Variants in METTL16 observed in about 807,000 individuals in gnomAD.
METTL16 encodes methyltransferase 16, RNA N6-adenosine, also known as RNA N(6)-adenosine-methyltransferase METTL16.
METTL16 carries 19 observed loss-of-function variants against 57.9 expected under a neutral mutation model. The ratio of observed to expected loss-of-function variants is 0.33; its 90% confidence interval spans 0.23 to 0.48. The LOEUF (loss-of-function observed/expected upper bound fraction) is 0.48, where lower values mean the gene tolerates loss of function less well. Among genes scored for constraint, METTL16 ranks in the 20% least tolerant of loss-of-function variants. The pLI, the probability that METTL16 is intolerant of heterozygous loss-of-function variation, is 0.99. For synonymous variants in METTL16, 246 were observed against 255.6 expected, an observed-to-expected ratio of 0.96 and a Z score of 0.36; for missense variants, 434 against 691.5, an observed-to-expected ratio of 0.63 and a Z score of 4.18.
Position 2,448,787 on chromosome 17 carries a change from AAT to A in METTL16, c.729-7230_729-7229del, listed in dbSNP as rs1181677150. 8.4e-3 allele frequency among the ~76,000 whole-genome samples: 859 copies of A among 102,502 alleles called. 28 individuals are homozygous for A. The highest frequency in any genetic ancestry group is 0.045 in the African/African-American group (812 of 17,912). The allele number at this position is 102,502 out of a possible 152,430, so 67.2% of individuals were successfully genotyped here. A position where few individuals can be genotyped will look rare whatever the true frequency, so the allele number is the denominator to read the frequency against. On this transcript the variant is annotated intron_variant, in intron 6 of 9. Coordinates refer to ENST00000263092, the MANE Select transcript of METTL16 (RefSeq NM_024086.4). ...AAAATAAAAAATAAAAAAATAAAAAAATAAAAATAAAATTTAAAAAAAAAAAA... is the reference window on the plus strand; with the variant it reads ...AAAATAAAAAATAAAAAAATAAAAAAAAAAATAAAATTTAAAAAAAAAAAA...
At chr17:2,492,914 AAACAAC>A (rs1555621107) in intron 2 of METTL16, among the ~76,000 whole-genome samples, 1 of 143,564 alleles carries the variant, frequency 7.0e-6, no homozygotes, top group African/African-American at 2.5e-5. Flanking sequence ...AAAAAAAAAA[AAACAAC>A]AAAAAAAACA....
At chr17:2,468,951 A>T (rs2067219737) in intron 4 of METTL16, among the ~76,000 whole-genome samples, 1 of 151,114 alleles carries the variant, frequency 6.6e-6, no homozygotes, top group South Asian at 2.1e-4. Flanking sequence ...AAAGGCTCCT[A>T]GCGCCAGGCA....
Position 2,438,319 on chromosome 17 carries a change from C to G in METTL16, c.799-121G>C. ...TTTAATCAGTTAACAAACAATATTACCAAACAACAGTTATAGATAGCTGCC... is the reference window on the plus strand; with the variant it reads ...TTTAATCAGTTAACAAACAATATTAGCAAACAACAGTTATAGATAGCTGCC... On this transcript the variant is annotated intron_variant, in intron 7 of 9. Coordinates refer to ENST00000263092, the MANE Select transcript of METTL16 (RefSeq NM_024086.4). The G allele has an allele frequency of 4.2e-6, 3 of 712,174 alleles. No individual in the cohort carries two copies. In the Admixed American group the frequency reaches 6.0e-5, roughly 14 times the overall value. The allele number at this position is 712,174 out of a possible 1,614,324, so 44.1% of individuals were successfully genotyped here.
intron 8 of METTL16, among the ~76,000 whole-genome samples, chr17:2,423,221 T>A (rs1256847760): frequency 6.6e-6 from 1 of 151,592 alleles, no homozygotes; most frequent in Non-Finnish European, 1.5e-5. Flanking sequence ...ACCAGTTTAT[T>A]CTATACTAGG....
Position 2,417,071 on chromosome 17 carries a change from TTTTTTTTTTTTTTTGA to T in METTL16, c.*2883_*2898del, listed in dbSNP as rs1037236334. ...GCTCATGGGTTCCTTTTTTTTTTTT[TTTTTTTTTTTTTTTGA>T]GACAGTCCCACTTTGTCGCCCAGGC... On this transcript the variant is annotated 3_prime_UTR_variant, in exon 10 of 10. Coordinates refer to ENST00000263092, the MANE Select transcript of METTL16 (RefSeq NM_024086.4). The T allele has an allele frequency of 2.5e-4, 31 of 126,218 alleles. No homozygotes were observed. Among genetic ancestry groups the T allele is most frequent in the African/African-American group, 9.6e-4 (31 of 32,148 alleles). The allele number at this position is 126,218 out of a possible 1,614,324, so 7.8% of individuals were successfully genotyped here.
intron 3 of METTL16, 25 bp downstream of exon 3, chr17:2,477,661 C>T (rs762350277): frequency 3.8e-6 from 6 of 1,566,358 alleles, no homozygotes; most frequent in Non-Finnish European, 4.4e-6. Flanking sequence ...ACTGTTTAGC[C>T]AAAAAAGAAT....
intron 5 of METTL16, among the ~76,000 whole-genome samples, chr17:2,466,804 C>CT (rs1203626497): frequency 2.0e-5 from 3 of 150,228 alleles, no homozygotes; most frequent in Non-Finnish European, 4.4e-5. Flanking sequence ...TTTTTGTTTT[C>CT]TTTTTTTCCC....
At chr17:2,507,324 G>A (rs1230754771) in intron 1 of METTL16, among the ~76,000 whole-genome samples, 1 of 142,932 alleles carries the variant, frequency 7.0e-6, no homozygotes, top group Non-Finnish European at 1.5e-5. Context: ...CCAGGAGGGA[G>A]GTGGGGGGGT....
chr17:2,487,237 C>T (rs1597466122), intron 2 of METTL16, among the ~76,000 whole-genome samples: 1 of 152,006 alleles, frequency 6.6e-6, no homozygotes, highest in Non-Finnish European at 1.5e-5. Context: ...GGCAGAGAAC[C>T]GTTTTTGAAG....
intron 2 of METTL16, among the ~76,000 whole-genome samples, chr17:2,500,649 C>A (rs2067480872): frequency 6.6e-6 from 1 of 152,138 alleles, no homozygotes; most frequent in African/African-American, 2.4e-5. Flanking sequence ...GCTGAATCAC[C>A]ACGCCTCTCT....
chr17:2,473,205 T>C (rs897315549), intron 4 of METTL16, among the ~76,000 whole-genome samples: 4 of 152,170 alleles, frequency 2.6e-5, no homozygotes, highest in African/African-American at 9.7e-5. Flanking sequence ...TTAAAGTCTC[T>C]GGAAATGTTT....
intron 6 of METTL16, among the ~76,000 whole-genome samples, chr17:2,442,749 A>C (rs1453353113): frequency 6.6e-6 from 1 of 152,206 alleles, no homozygotes; most frequent in Non-Finnish European, 1.5e-5. Context: ...TTTGCCAATA[A>C]ATTTCACAAC....
chr17:2,452,822 A>G (rs532293453), intron 6 of METTL16, among the ~76,000 whole-genome samples: 56 of 152,152 alleles, frequency 3.7e-4, no homozygotes, highest in African/African-American at 1.3e-3. Flanking sequence ...TGGCATGTCC[A>G]TTTTAAAAGC....
chr17:2,417,072 T>TTTTTTTTTTTTTTTTTTTTTG lies in METTL16; in HGVS notation c.*2897_*2898insCAAAAAAAAAAAAAAAAAAAA, dbSNP rs2066723579. On this transcript the variant is annotated 3_prime_UTR_variant, in exon 10 of 10. Coordinates refer to ENST00000263092, the MANE Select transcript of METTL16 (RefSeq NM_024086.4). ...CTCATGGGTTCCTTTTTTTTTTTTT[T>TTTTTTTTTTTTTTTTTTTTTG]TTTTTTTTTTTTTGAGACAGTCCCA... 1 of 127,238 alleles carries TTTTTTTTTTTTTTTTTTTTTG rather than the reference T, an allele frequency of 7.9e-6. No individual in the cohort carries two copies. The highest frequency in any genetic ancestry group is 1.6e-5 in the Non-Finnish European group (1 of 61,182). The allele number at this position is 127,238 out of a possible 1,614,324, so 7.9% of individuals were successfully genotyped here. A position where few individuals can be genotyped will look rare whatever the true frequency, so the allele number is the denominator to read the frequency against.
At chr17:2,429,715 T>C (rs993993847) in intron 8 of METTL16, among the ~76,000 whole-genome samples, 3 of 151,926 alleles carry the variant, frequency 2.0e-5, no homozygotes, top group Admixed American at 6.6e-5. Context: ...CTCCATACGA[T>C]AGTATATACC....
intron 7 of METTL16, among the ~76,000 whole-genome samples, chr17:2,440,783 C>A (rs1271631458): frequency 1.3e-5 from 2 of 151,594 alleles, no homozygotes; most frequent in Non-Finnish European, 2.9e-5. Flanking sequence ...CCAGCCTGGG[C>A]AACATGGCAA....
chr17:2,477,433 A>G (rs1211848843), intron 3 of METTL16: 2 of 438,496 alleles, frequency 4.6e-6, no homozygotes, highest in Non-Finnish European at 8.3e-6. Context: ...TGTGCACTAT[A>G]TTTACAGGCT....
intron 6 of METTL16, among the ~76,000 whole-genome samples, chr17:2,456,983 A>G (rs559765834): frequency 6.7e-6 from 1 of 148,376 alleles, no homozygotes; most frequent in East Asian, 2.0e-4. Context: ...AGCTTTCTCC[A>G]TTTTCTAATT....
In METTL16 at chr17:2,419,749, GACC is replaced by G. The variant is rs1567877686; in HGVS notation, c.*218_*220del. On this transcript the variant is annotated 3_prime_UTR_variant, in exon 10 of 10. Transcript: ENST00000263092. ...CTGAGGGCTTTCTGTTGTTACTGAT[GACC>G]ACAATTCCTCCTTGTAAATGACCAC... 4 of 701,122 alleles carry G rather than the reference GACC, an allele frequency of 5.7e-6. No homozygotes were observed. Among genetic ancestry groups the G allele is most frequent in the East Asian group, 5.5e-5 (2 of 36,078 alleles). 43.4% of individuals were successfully genotyped at this position (701,122 alleles called of 1,614,324 possible).
Sources: allele counts gnomAD v4.1 joint callset (sites outside exome capture counted in the v4.1 genomes callset), GRCh38; gene constraint gnomAD v4.1.1; transcripts MANE v1.5; gene names NCBI Gene and HGNC (gene_info 2026-07-23, HGNC 2026-07-21).